Variants in DNAH12 observed in about 807,000 individuals in gnomAD.
The protein encoded by DNAH12 is dynein axonemal heavy chain 12.
A neutral mutation model predicts 371.5 loss-of-function variants in DNAH12; 285 were observed. The ratio of observed to expected loss-of-function variants is 0.77; its 90% CI spans 0.70 to 0.85. The LOEUF is 0.85. DNAH12 is among the 40% of genes least tolerant of loss of function. The pLI, the probability that DNAH12 is intolerant of heterozygous loss-of-function variation, is 0.00. For missense variants in DNAH12, 3,611 were observed against 3,689.4 expected (o/e 0.98, Z 0.55); for synonymous variants, 1,200 against 1,213.0 (o/e 0.99, Z 0.22).
At chr3:57,462,648 G>A (rs1454520327) in intron 18 of DNAH12, 42 bp downstream of exon 18, 35 of 1,523,610 alleles carry the variant, frequency 2.3e-5, no homozygotes, top group African/African-American at 5.5e-5. Flanking sequence ...CTTGATTAAC[G>A]AAGTCATCAC....
intron 40 of DNAH12, among the ~76,000 whole-genome samples, chr3:57,406,816 G>A (rs2064042377): frequency 6.6e-6 from 1 of 152,084 alleles, no homozygotes; most frequent in African/African-American, 2.4e-5. Context: ...ACTATGTACT[G>A]AATTCACCAA....
intron 35 of DNAH12, among the ~76,000 whole-genome samples, chr3:57,424,313 T>TA (rs1312084188): frequency 6.7e-6 from 1 of 148,464 alleles, no homozygotes; most frequent in Non-Finnish European, 1.5e-5. Context: ...TTACTAAAGA[T>TA]AAAAAAAATT....
At chr3:57,430,903 G>A (rs1019277451) in intron 32 of DNAH12, among the ~76,000 whole-genome samples, 7 of 152,086 alleles carry the variant, frequency 4.6e-5, no homozygotes, top group African/African-American at 1.7e-4. Context: ...AGCCATATGT[G>A]GCTATTTATA....
intron 65 of DNAH12, among the ~76,000 whole-genome samples, chr3:57,316,161 A>G (rs974030115): frequency 1.3e-5 from 2 of 149,478 alleles, no homozygotes; most frequent in African/African-American, 4.9e-5. Flanking sequence ...TTTTTGACTA[A>G]GCCAAGGGGG....
chr3:57,356,892 G>A (rs1386121309), intron 59 of DNAH12, among the ~76,000 whole-genome samples: 4 of 151,878 alleles, frequency 2.6e-5, no homozygotes, highest in Admixed American at 6.6e-5. Context: ...ACAGGTGCCC[G>A]CCACCACGCC....
At chr3:57,482,983 A>T (rs977748987) in intron 13 of DNAH12, among the ~76,000 whole-genome samples, 4 of 151,812 alleles carry the variant, frequency 2.6e-5, no homozygotes, top group African/African-American at 4.8e-5. Context: ...ATGACGAGTT[A>T]ATGGGTGCAG....
intron 4 of DNAH12, among the ~76,000 whole-genome samples, chr3:57,514,746 C>G (rs987073889): frequency 1.3e-5 from 2 of 152,008 alleles, no homozygotes; most frequent in Non-Finnish European, 2.9e-5. Context: ...ACAAACAAAC[C>G]AATGAACCTA....
In DNAH12 at chr3:57,314,433, A is replaced by T. The variant is rs1010335277; in HGVS notation, c.10662+61T>A. ...GTGAATCAGCTATTCCAAGCAAAAG[A>T]CTTGCCTAGGGCCTGATAAATAGTG... is the stretch of plus-strand genomic sequence containing the variant. On this transcript the variant is annotated intron_variant, in intron 66 of 73. Transcript: ENST00000495027. 4 of 1,541,512 alleles carry T rather than the reference A, an allele frequency of 2.6e-6. No individual in the cohort carries two copies. The Admixed American group carries it at 8.2e-5, about 32-fold the overall frequency.
intron 60 of DNAH12, among the ~76,000 whole-genome samples, chr3:57,350,877 A>G (rs1444515319): frequency 6.6e-6 from 1 of 152,228 alleles, no homozygotes. Context: ...AAACATGAAC[A>G]AGTGTTCAAC....
intron 58 of DNAH12, among the ~76,000 whole-genome samples, chr3:57,361,848 T>A (rs1044968904): frequency 1.3e-5 from 2 of 151,874 alleles, no homozygotes; most frequent in South Asian, 4.2e-4. Context: ...ACCTGTTCAA[T>A]AATAATACCT....
chr3:57,305,999 C>T (rs541401283), intron 69 of DNAH12, among the ~76,000 whole-genome samples: 16 of 152,282 alleles, frequency 1.1e-4, no homozygotes, highest in Admixed American at 3.3e-4. Context: ...GCCCGCAGCC[C>T]GGGATTCCTC....
chr3:57,513,028 A>G (rs1356558798), intron 4 of DNAH12, among the ~76,000 whole-genome samples: 2 of 152,028 alleles, frequency 1.3e-5, no homozygotes, highest in African/African-American at 4.8e-5. Flanking sequence ...AATTCCAGCT[A>G]CTTGGGAGGC....
chr3:57,423,650 A>C (rs1333648854), intron 35 of DNAH12, among the ~76,000 whole-genome samples: 1 of 152,090 alleles, frequency 6.6e-6, no homozygotes, highest in Non-Finnish European at 1.5e-5. Flanking sequence ...ACCAGCATAG[A>C]CCAGGAAAAA....
At position 57,301,770 on chromosome 3, in the gene DNAH12, T is replaced by G. The variant is rs374403630; in HGVS notation, c.11359A>C (p.Ile3787Leu). Residue 3787 changes from isoleucine to leucine, a missense_variant, in exon 70 of 74, where the codon ATC (isoleucine) becomes CTC (leucine). By Grantham distance (5) the Ile-to-Leu change is conservative. This residue lies in a region of DNAH12 where 2,266 missense variants were observed against 2,236.9 expected (regional missense o/e 1.01). Coordinates refer to ENST00000495027, the MANE Select transcript of DNAH12 (RefSeq NM_001366028.2). The stretch of plus-strand genomic sequence containing the variant: ...TTCAACCGGGCTAGGAAATCTGTGA[T>G]GTAACTTCCCAGGGGCTTAAGGCTT... ...YPSLKPLGSYITDFLARLNFL... is the reference protein window; with the variant it reads ...YPSLKPLGSYLTDFLARLNFL... The G allele has an allele frequency of 9.0e-6, 14 of 1,551,312 alleles. No individual in the cohort carries two copies. In the South Asian group the frequency reaches 1.7e-4, roughly 18 times the overall value.
At chr3:57,361,664 A>G (rs2062939958) in intron 58 of DNAH12, among the ~76,000 whole-genome samples, 1 of 151,566 alleles carries the variant, frequency 6.6e-6, no homozygotes, top group South Asian at 2.1e-4. Flanking sequence ...ACTAGCAACT[A>G]CCTCCACCAA....
rs1489616135 is a variant in DNAH12, at chr3:57,391,945, A to G, written c.7232T>C (p.Ile2411Thr). Residue 2411 changes from isoleucine to threonine, a missense_variant, in exon 45 of 74, where the codon ATT becomes ACT. Physicochemically the swap from Ile to Thr is moderately conservative, Grantham distance 89. Coordinates refer to ENST00000495027, the MANE Select transcript of DNAH12 (RefSeq NM_001366028.2). ...NLHVVVAFSP[I>T]GDAFRNRLRQ... ...CAAGCGATTTCGAAAGGCATCTCCA[A>G]TGGGGCTAAAGGCCACCACGACATG... The G allele has an allele frequency of 6.5e-6, 1 of 152,754 alleles. No individual in the cohort carries two copies. Among genetic ancestry groups the G allele is most frequent in the Non-Finnish European group, 1.5e-5 (1 of 68,054 alleles). 9.5% of individuals were successfully genotyped at this position (152,754 alleles called of 1,614,324 possible).
At chr3:57,534,385 A>C (rs1158054475) in intron 2 of DNAH12, among the ~76,000 whole-genome samples, 1 of 151,652 alleles carries the variant, frequency 6.6e-6, no homozygotes, top group Non-Finnish European at 1.5e-5. Context: ...AAAATTGTTA[A>C]ATTTTGTGTT....
intron 11 of DNAH12, among the ~76,000 whole-genome samples, chr3:57,499,630 C>CAAAAAAAAAAAAAA (rs1220632097): frequency 0.04 from 596 of 14,846 alleles, 190 homozygotes; most frequent in Non-Finnish European, 0.051. Flanking sequence ...ACCATCTCTA[C>CAAAAAAAAAAAAAA]AAAAAAAAAA....
intron 4 of DNAH12, among the ~76,000 whole-genome samples, chr3:57,515,673 T>C (rs1296236402): frequency 1.3e-5 from 2 of 151,958 alleles, no homozygotes; most frequent in East Asian, 3.8e-4. Flanking sequence ...TAAAAATCTA[T>C]AGTCCACACT....
Sources: gnomAD v4.1 joint callset for allele counts (sites outside exome capture counted in the v4.1 genomes callset) on GRCh38, gnomAD v4.1.1 for gene constraint, gnomAD v4.1.1 regional missense constraint, MANE v1.5 for transcripts, NCBI Gene and HGNC (gene_info 2026-07-23, HGNC 2026-07-21) for gene names.